Variants in CACNA2D3 observed in about 807,000 individuals in gnomAD.
CACNA2D3 encodes the protein voltage-dependent calcium channel subunit alpha-2/delta-3.
In CACNA2D3, 60 loss-of-function variants were observed where a neutral mutation model predicts 160.6. That is an observed-to-expected ratio of 0.37 (90% confidence interval 0.30 to 0.46). The LOEUF (loss-of-function observed/expected upper bound fraction) is 0.46. Ranked by LOEUF, CACNA2D3 falls within the 20% of genes least tolerant of loss-of-function variation. CACNA2D3 has a pLI of 1.00. For missense variants in CACNA2D3, 1,205 were observed against 1,365.0 expected (o/e 0.88, Z 1.85); for synonymous variants, 558 against 492.9 (o/e 1.13, Z -1.75).
intron 17 of CACNA2D3, among the ~76,000 whole-genome samples, chr3:54,868,190 T>C (rs1220047014): frequency 6.6e-6 from 1 of 152,226 alleles, no homozygotes; most frequent in Admixed American, 6.5e-5. Flanking sequence ...GACTTTTCCT[T>C]TTCTCACTCA....
chr3:54,682,470 A>G (rs944968963), intron 11 of CACNA2D3, among the ~76,000 whole-genome samples: 4 of 152,068 alleles, frequency 2.6e-5, no homozygotes, highest in African/African-American at 9.7e-5. Context: ...TACTAAAAAT[A>G]TAAAAATTAG....
intron 2 of CACNA2D3, among the ~76,000 whole-genome samples, chr3:54,146,673 C>A (rs1465877535): frequency 1.3e-5 from 2 of 152,240 alleles, no homozygotes; most frequent in Non-Finnish European, 2.9e-5. Context: ...CCCATGGAAG[C>A]TACAAGGGAG....
At chr3:54,400,890 T>G (rs887281235) in intron 4 of CACNA2D3, among the ~76,000 whole-genome samples, 2 of 151,996 alleles carry the variant, frequency 1.3e-5, no homozygotes, top group Admixed American at 6.6e-5. Context: ...CTCTAGTAAC[T>G]TACTCCAAGA....
At chr3:54,282,279 T>C (rs1276778174) in intron 2 of CACNA2D3, among the ~76,000 whole-genome samples, 1 of 152,220 alleles carries the variant, frequency 6.6e-6, no homozygotes, top group Non-Finnish European at 1.5e-5. Flanking sequence ...GAATATTTAT[T>C]AGTTTTTTAA....
At chr3:54,606,763 CAAG>C (rs1309926401) in intron 9 of CACNA2D3, among the ~76,000 whole-genome samples, 1 of 152,150 alleles carries the variant, frequency 6.6e-6, no homozygotes, top group Non-Finnish European at 1.5e-5. Flanking sequence ...GGGTCATGAA[CAAG>C]AAGACGACGT....
chr3:54,373,320 A>G (rs1299758435), intron 3 of CACNA2D3, among the ~76,000 whole-genome samples: 1 of 152,202 alleles, frequency 6.6e-6, no homozygotes, highest in Non-Finnish European at 1.5e-5. Context: ...TTAGAGAAGT[A>G]AATAAGCCCG....
intron 35 of CACNA2D3, among the ~76,000 whole-genome samples, chr3:55,063,683 G>A (rs897109938): frequency 3.9e-5 from 6 of 152,062 alleles, no homozygotes; most frequent in Non-Finnish European, 7.4e-5. Flanking sequence ...AGAGAGCCAG[G>A]TAGAACATAA....
At chr3:54,869,569 G>T (rs1032969561) in intron 17 of CACNA2D3, among the ~76,000 whole-genome samples, 6 of 152,234 alleles carry the variant, frequency 3.9e-5, no homozygotes, top group African/African-American at 1.4e-4. Context: ...GGCTACCCAA[G>T]AAATTACGAA....
At chr3:54,281,289 C>T (rs767377528) in intron 2 of CACNA2D3, among the ~76,000 whole-genome samples, 15 of 152,226 alleles carry the variant, frequency 9.9e-5, no homozygotes, top group Non-Finnish European at 1.9e-4. Context: ...CACAGGAAGG[C>T]ATCACTATAT....
At chr3:54,226,339 G>T in intron 2 of CACNA2D3, among the ~76,000 whole-genome samples, 1 of 123,644 alleles carries the variant, frequency 8.1e-6, no homozygotes, top group Non-Finnish European at 1.6e-5. Flanking sequence ...TTTGGAGACA[G>T]TTGCTCTGTC....
At chr3:54,344,563 A>G (rs764540707) in intron 3 of CACNA2D3, among the ~76,000 whole-genome samples, 1 of 152,192 alleles carries the variant, frequency 6.6e-6, no homozygotes, top group Non-Finnish European at 1.5e-5. Context: ...TCCTCAGGCA[A>G]CTTTTCTCTA....
At chr3:54,662,428 A>C (rs116647027) in intron 11 of CACNA2D3, among the ~76,000 whole-genome samples, 1 of 152,178 alleles carries the variant, frequency 6.6e-6, no homozygotes, top group African/African-American at 2.4e-5. Context: ...AATACTGTGC[A>C]TGGCATTCAG....
At chr3:54,159,987 C>A (rs538679368) in intron 2 of CACNA2D3, among the ~76,000 whole-genome samples, 1 of 152,326 alleles carries the variant, frequency 6.6e-6, no homozygotes, top group South Asian at 2.1e-4. Context: ...AACTGCCTGG[C>A]AAGCTCTGTA....
intron 11 of CACNA2D3, among the ~76,000 whole-genome samples, chr3:54,708,085 C>G (rs1403063648): frequency 6.6e-6 from 1 of 152,086 alleles, no homozygotes; most frequent in Non-Finnish European, 1.5e-5. Context: ...TATTTGAAGC[C>G]AAAGTCAGAG....
At chr3:54,188,790 A>G (rs1471502040) in intron 2 of CACNA2D3, among the ~76,000 whole-genome samples, 1 of 152,188 alleles carries the variant, frequency 6.6e-6, no homozygotes, top group Non-Finnish European at 1.5e-5. Flanking sequence ...ATGGATATAT[A>G]TTTATTTTGC....
At chr3:54,326,862 A>G (rs1704130910) in intron 3 of CACNA2D3, among the ~76,000 whole-genome samples, 1 of 152,204 alleles carries the variant, frequency 6.6e-6, no homozygotes, top group South Asian at 2.1e-4. Flanking sequence ...TTTCAGAAAA[A>G]AATAATGTTT....
chr3:54,750,718 G>A (rs1300429485), intron 11 of CACNA2D3, among the ~76,000 whole-genome samples: 1 of 151,910 alleles, frequency 6.6e-6, no homozygotes, highest in African/African-American at 2.4e-5. Context: ...CGGGGGTGCA[G>A]CTATATGAAG....
chr3:54,246,572 AATCCCAGCTACTTGGGAGGCG>A (rs1373490138), intron 2 of CACNA2D3, among the ~76,000 whole-genome samples: 492 of 3,056 alleles, frequency 0.16, 10 homozygotes, highest in East Asian at 0.28. Flanking sequence ...GGCTGTCTGT[AATCCCAGCTACTTGGGAGGCG>A]GCTGTCTGTA....
intron 23 of CACNA2D3, among the ~76,000 whole-genome samples, chr3:54,886,935 C>CTTTTTTTTTTTTTTTTTTTTT (rs60899252): frequency 9.3e-6 from 1 of 107,748 alleles, no homozygotes; most frequent in Non-Finnish European, 1.7e-5. Context: ...CAGCAAAGCT[C>CTTTTTTTTTTTTTTTTTTTTT]TTTTTTTTTT....
Sources: allele counts gnomAD v4.1 joint callset (sites outside exome capture counted in the v4.1 genomes callset), GRCh38; gene constraint gnomAD v4.1.1; transcripts MANE v1.5; gene names NCBI Gene and HGNC (gene_info 2026-07-23, HGNC 2026-07-21).